Variants in SNX27 observed in about 807,000 individuals in gnomAD.
SNX27 encodes the protein sorting nexin 27.
SNX27 carries 22 observed loss-of-function variants against 71.6 expected under a neutral mutation model. That is an observed-to-expected ratio of 0.31 (90% CI 0.22 to 0.44). SNX27 has a LOEUF of 0.44. Among genes scored for constraint, SNX27 ranks in the 20% least tolerant of loss-of-function variants. The probability of loss-of-function intolerance (pLI) is 1.00; values close to 1 mark genes in which losing one functional copy is unlikely to be tolerated. For missense variants in SNX27, 531 were observed against 698.6 expected (o/e 0.76, Z 2.70); for synonymous variants, 269 against 277.2 (o/e 0.97, Z 0.29).
chr1:151,649,923 T>C (rs1669246496), intron 2 of SNX27, among the ~76,000 whole-genome samples: 1 of 152,094 alleles, frequency 6.6e-6, no homozygotes, highest in South Asian at 2.1e-4. Context: ...GGTCTCACTG[T>C]GTCTCCCAGG....
chr1:151,651,898 C>T (rs1019271199), intron 2 of SNX27, among the ~76,000 whole-genome samples: 9 of 151,954 alleles, frequency 5.9e-5, no homozygotes, highest in African/African-American at 9.7e-5. Flanking sequence ...CCACTGCACT[C>T]CAGCCTGGGC....
chr1:151,677,491 C>T (rs1452981519), intron 7 of SNX27: 1 of 152,166 alleles, frequency 6.6e-6, no homozygotes, highest in Non-Finnish European at 1.5e-5. Flanking sequence ...CATAACATTG[C>T]TGAGATCTGT....
intron 9 of SNX27, 98 bp from the exon 10 acceptor site, chr1:151,692,813 T>C (rs1262194208): frequency 2.8e-5 from 42 of 1,519,810 alleles, no homozygotes; most frequent in Non-Finnish European, 1.8e-6. Context: ...AGACATCCAT[T>C]CATTTCTCTT....
At chr1:151,654,858 A>G (rs968867676) in intron 2 of SNX27, among the ~76,000 whole-genome samples, 1 of 152,214 alleles carries the variant, frequency 6.6e-6, no homozygotes, top group Non-Finnish European at 1.5e-5. Flanking sequence ...TACCTCTTAA[A>G]GATCCCACTT....
At chr1:151,692,329 T>A in intron 8 of SNX27, 106 bp from the exon 9 acceptor site, 1 of 1,360,954 alleles carries the variant, frequency 7.3e-7, no homozygotes. Flanking sequence ...TACTCTTTGT[T>A]CTTTTTCTTG....
At chr1:151,665,273 G>A (rs987586773) in intron 5 of SNX27, among the ~76,000 whole-genome samples, 6 of 152,148 alleles carry the variant, frequency 3.9e-5, no homozygotes, top group Non-Finnish European at 8.8e-5. Flanking sequence ...TAGGACCTGA[G>A]TTCCTAGAGA....
intron 4 of SNX27, among the ~76,000 whole-genome samples, chr1:151,661,804 A>G (rs183755539): frequency 6.6e-6 from 1 of 152,310 alleles, no homozygotes; most frequent in Non-Finnish European, 1.5e-5. Context: ...CAGAGAATAT[A>G]CATCGAAACT....
chr1:151,678,141 C>G (rs1670780838), intron 7 of SNX27: 1 of 152,084 alleles, frequency 6.6e-6, no homozygotes, highest in African/African-American at 2.4e-5. Context: ...AACGATCCTC[C>G]TACCTCAGCC....
intron 1 of SNX27, among the ~76,000 whole-genome samples, chr1:151,626,251 C>T (rs1667934295): frequency 6.6e-6 from 1 of 151,308 alleles, no homozygotes; most frequent in African/African-American, 2.4e-5. Flanking sequence ...TCAATTTGGT[C>T]TGTATGTGAT....
chr1:151,661,009 A>C, intron 4 of SNX27, 147 bp downstream of exon 4: 1 of 621,594 alleles, frequency 1.6e-6, no homozygotes, highest in Non-Finnish European at 2.9e-6. Context: ...TATCCTACTT[A>C]TCTATCCTTT....
chr1:151,623,391 T>C (rs1011961557), intron 1 of SNX27, among the ~76,000 whole-genome samples: 15 of 151,952 alleles, frequency 9.9e-5, no homozygotes, highest in Non-Finnish European at 1.8e-4. Context: ...CCGCCCACCT[T>C]GGCCTCCCAA....
chr1:151,691,966 G>A (rs189691698), intron 8 of SNX27, among the ~76,000 whole-genome samples: 134 of 152,270 alleles, frequency 8.8e-4, no homozygotes, highest in African/African-American at 3.0e-3. Context: ...TTCGGTGGCT[G>A]AGGTGGGAGG....
At chr1:151,660,232 T>TC (rs933895459) in intron 3 of SNX27, 10 of 148,244 alleles carry the variant, frequency 6.7e-5, no homozygotes, top group African/African-American at 2.5e-4. Flanking sequence ...TCCCATCACG[T>TC]CCCCCCAGTT....
At position 151,660,877 on chromosome 1, in the gene SNX27, CT is replaced by C. The variant is rs2102681542; in HGVS notation, c.801+19del. The C allele has an allele frequency of 6.3e-7, 1 of 1,590,780 alleles. No homozygotes were observed. The highest frequency in any genetic ancestry group is 8.6e-7 in the Non-Finnish European group (1 of 1,158,906). ...AATCCGATGAGGTAGGTGAATATCT[CT>C]TTTAGTGATTATTTTCCTTTTGGCT... On this transcript the variant is annotated intron_variant, in intron 4 of 11. Coordinates refer to ENST00000458013, the MANE Select transcript of SNX27 (RefSeq NM_001330723.2).
intron 1 of SNX27, among the ~76,000 whole-genome samples, chr1:151,626,927 G>A (rs1667972090): frequency 6.6e-6 from 1 of 152,032 alleles, no homozygotes; most frequent in Non-Finnish European, 1.5e-5. Flanking sequence ...GGCTCATCTT[G>A]TATATTTCCT....
chr1:151,620,692 T>C (rs1001796822), intron 1 of SNX27, among the ~76,000 whole-genome samples: 5 of 92,078 alleles, frequency 5.4e-5, no homozygotes, highest in African/African-American at 1.6e-4. Flanking sequence ...GATTTGAAGA[T>C]GCTTTTTTTT....
At chr1:151,667,500 C>T (rs1013730582) in intron 6 of SNX27, among the ~76,000 whole-genome samples, 4 of 152,044 alleles carry the variant, frequency 2.6e-5, no homozygotes, top group African/African-American at 7.2e-5. Context: ...CTGAATGTAC[C>T]ATAGCTGGGT....
In SNX27 at chr1:151,696,578, C is replaced by CT. The variant is rs1192111885; in HGVS notation, c.*2167dup. 4.9e-5 allele frequency: 7 copies of CT among 142,306 alleles called. No homozygotes were observed. The highest frequency in any genetic ancestry group is 4.6e-5 in the Non-Finnish European group (3 of 65,466). The allele number at this position is 142,306 out of a possible 1,614,324, so 8.8% of individuals were successfully genotyped here. ...TTCTTTTGCTTTCCTTCTTTCATCT[C>CT]TTTTTTGTAATTTGTTGTTGCAAAT... On this transcript the variant is annotated 3_prime_UTR_variant, in exon 12 of 12. Transcript: ENST00000458013.
chr1:151,650,401 C>A (rs1290348066), intron 2 of SNX27, among the ~76,000 whole-genome samples: 1 of 151,976 alleles, frequency 6.6e-6, no homozygotes. Flanking sequence ...CTTATTTGTC[C>A]TGCTTGAGGA....
Sources: allele counts gnomAD v4.1 joint callset (sites outside exome capture counted in the v4.1 genomes callset), GRCh38; gene constraint gnomAD v4.1.1; transcripts MANE v1.5; gene names NCBI Gene and HGNC (gene_info 2026-07-23, HGNC 2026-07-21).